Variants in GLI3 observed in about 807,000 individuals in gnomAD.
GLI3 encodes transcription activator GLI3.
GLI3 carries 20 observed loss-of-function variants against 100.8 expected under a neutral mutation model. The ratio of observed to expected loss-of-function variants is 0.20; its 90% CI spans 0.14 to 0.29. The LOEUF is 0.29. Among genes scored for constraint, GLI3 ranks in the 10% least tolerant of loss-of-function variants. The pLI is 1.00. For missense variants in GLI3, 2,040 were observed against 2,128.5 expected, an observed-to-expected ratio of 0.96 and a Z score of 0.82; for synonymous variants, 938 against 860.5, an observed-to-expected ratio of 1.09 and a Z score of -1.58.
chr7:41,981,457 C>G (rs920823235), intron 10 of GLI3, among the ~76,000 whole-genome samples: 6 of 152,202 alleles, frequency 3.9e-5, no homozygotes, highest in Non-Finnish European at 8.8e-5. Flanking sequence ...TGGTGCTACT[C>G]AAGGGAGCAG....
chr7:42,202,639 C>T (rs1037041548), intron 2 of GLI3, among the ~76,000 whole-genome samples: 1 of 152,214 alleles, frequency 6.6e-6, no homozygotes, highest in African/African-American at 2.4e-5. Context: ...AGTGCCCTCA[C>T]AAGCATGCAC....
rs1409114534 is a variant in GLI3, at chr7:41,962,211, T to C, written c.*2119A>G. 2 of 152,188 alleles carry C rather than the reference T, an allele frequency of 1.3e-5. No individual in the cohort carries two copies. Among genetic ancestry groups the C allele is most frequent in the African/African-American group, 4.8e-5 (2 of 41,442 alleles). 9.4% of individuals were successfully genotyped at this position (152,188 alleles called of 1,614,324 possible). A position where few individuals can be genotyped will look rare whatever the true frequency, so the allele number is the denominator to read the frequency against. On this transcript the variant is annotated 3_prime_UTR_variant, in exon 15 of 15. Coordinates refer to ENST00000395925, the MANE Select transcript of GLI3 (RefSeq NM_000168.6). ...GCATGGTCCCTTCCACCCAAGCTCC[T>C]TTCTTAGGAGGAGTGGAGAACACTC...
At position 41,961,565 on chromosome 7, in the gene GLI3, T is replaced by G. The variant is rs1211186398; in HGVS notation, c.*2765A>C. 6.6e-6 allele frequency: 1 copy of G among 152,406 alleles called. No homozygotes were observed. The highest frequency in any genetic ancestry group is 2.4e-5 in the African/African-American group (1 of 41,438). 9.4% of individuals were successfully genotyped at this position (152,406 alleles called of 1,614,324 possible). A position where few individuals can be genotyped will look rare whatever the true frequency, so the allele number is the denominator to read the frequency against. ...TTCAGAAAAATAAAACAAAAATGGT[T>G]AGAAAACGTTTAACACAGACATTAA... On this transcript the variant is annotated 3_prime_UTR_variant, in exon 15 of 15. Transcript: ENST00000395925.
chr7:42,219,340 A>G (rs1362509647), intron 2 of GLI3, among the ~76,000 whole-genome samples: 1 of 152,228 alleles, frequency 6.6e-6, no homozygotes, highest in Non-Finnish European at 1.5e-5. Context: ...CTACGGGTAC[A>G]CTGTACTTCC....
intron 3 of GLI3, among the ~76,000 whole-genome samples, chr7:42,087,952 A>G (rs1015610504): frequency 1.3e-5 from 2 of 152,204 alleles, no homozygotes; most frequent in African/African-American, 4.8e-5. Context: ...TTCTTTCACC[A>G]TGACTGTAAA....
chr7:42,249,678 C>T (rs947365179), intron 1 of GLI3, among the ~76,000 whole-genome samples: 1 of 152,124 alleles, frequency 6.6e-6, no homozygotes, highest in Admixed American at 6.5e-5. Context: ...CCAGTATAGA[C>T]CCTGAGACTA....
rs2128707123 is a variant in GLI3, at chr7:41,967,768, G to A, written c.2259C>T (p.Thr753=). The change falls in exon 14 of 15, where the codon ACC becomes ACT. Residue 753 remains threonine (T), a synonymous_variant. Transcript: ENST00000395925. ...CAAGGGCTGTGGTTGCAGTGGAAAT[G>A]GTTGAGTCCATGATTGGGGTTTCAT... ...AIDETPIMDS[T]ISTATTALAL... 1.2e-6 allele frequency: 2 copies of A among 1,614,200 alleles called. No individual in the cohort carries two copies. The highest frequency in any genetic ancestry group is 3.3e-5 in the Admixed American group (2 of 60,024).
intron 3 of GLI3, among the ~76,000 whole-genome samples, chr7:42,134,079 TC>T (rs1786363304): frequency 1.2e-5 from 1 of 85,916 alleles, no homozygotes; most frequent in African/African-American, 3.2e-5. Context: ...AGACTCTGTC[TC>T]AAAAAAAAAA....
intron 2 of GLI3, among the ~76,000 whole-genome samples, chr7:42,215,128 T>C (rs1160840903): frequency 6.6e-6 from 1 of 152,100 alleles, no homozygotes; most frequent in East Asian, 1.9e-4. Flanking sequence ...TCACACCATA[T>C]GCGTTACTGA....
intron 3 of GLI3, among the ~76,000 whole-genome samples, chr7:42,086,558 GAC>G (rs1785105384): frequency 6.6e-6 from 1 of 151,966 alleles, no homozygotes; most frequent in South Asian, 2.1e-4. Flanking sequence ...CTCTGTCCAG[GAC>G]ACCTCCCCAT....
intron 2 of GLI3, among the ~76,000 whole-genome samples, chr7:42,185,609 T>C (rs574987477): frequency 6.6e-6 from 1 of 152,342 alleles, no homozygotes; most frequent in East Asian, 1.9e-4. Context: ...TCGTGACATT[T>C]TGGAGCTGCC....
intron 2 of GLI3, among the ~76,000 whole-genome samples, chr7:42,150,713 T>A (rs1786837352): frequency 6.6e-6 from 1 of 152,230 alleles, no homozygotes; most frequent in Non-Finnish European, 1.5e-5. Flanking sequence ...TTCCTTGACT[T>A]AATTGTCCTA....
chr7:42,078,351 A>T (rs1470631277), intron 3 of GLI3, among the ~76,000 whole-genome samples: 13 of 152,130 alleles, frequency 8.5e-5, no homozygotes, highest in Admixed American at 8.5e-4. Context: ...CCTTGTTTTG[A>T]TTTTGTCCCT....
At chr7:42,145,382 T>C (rs1786677187) in intron 3 of GLI3, 1 of 395,826 alleles carries the variant, frequency 2.5e-6, no homozygotes, top group Admixed American at 4.4e-5. Flanking sequence ...TGCTAAGAAT[T>C]TAAAATGTTA....
chr7:42,167,309 T>C (rs1242890534), intron 2 of GLI3, among the ~76,000 whole-genome samples: 1 of 152,194 alleles, frequency 6.6e-6, no homozygotes, highest in East Asian at 1.9e-4. Flanking sequence ...CAAACTACCA[T>C]ACTACAGAAT....
rs201470312 is a variant in GLI3, at chr7:41,964,828, G to A, written c.4245C>T (p.Thr1415=). ...QSGQLSDTSQ[T]CRVNGIKMEM... The stretch of plus-strand genomic sequence containing the variant: ...CCATCTTGATACCATTCACCCTGCA[G>A]GTCTGACTTGTGTCACTGAGCTGTC... Residue 1415 remains threonine (T), a synonymous_variant, in exon 15 of 15, where the codon ACC becomes ACT. Coordinates refer to ENST00000395925, the MANE Select transcript of GLI3 (RefSeq NM_000168.6). 1.9e-6 allele frequency: 3 copies of A among 1,613,896 alleles called. No individual in the cohort carries two copies. Among genetic ancestry groups the A allele is most frequent in the African/African-American group, 2.7e-5 (2 of 74,934 alleles).
chr7:42,179,163 G>C (rs371429775), intron 2 of GLI3, among the ~76,000 whole-genome samples: 1 of 152,222 alleles, frequency 6.6e-6, no homozygotes, highest in Middle Eastern at 3.4e-3. Flanking sequence ...TGATTTTTAA[G>C]AGGGGAGTTT....
At position 41,964,165 on chromosome 7, in the gene GLI3, T is replaced by C. The variant is rs886062333; in HGVS notation, c.*165A>G. 13 of 623,480 alleles carry C rather than the reference T, an allele frequency of 2.1e-5. No individual in the cohort carries two copies. In the Admixed American group the frequency reaches 3.1e-4, roughly 15 times the overall value. 38.6% of individuals were successfully genotyped at this position (623,480 alleles called of 1,614,324 possible). ...TCTCCCTAGAATACTTTAGGGTTTT[T>C]CAGAGTCCTTTTCCATAAAAGGAAT... On this transcript the variant is annotated 3_prime_UTR_variant, in exon 15 of 15. Transcript: ENST00000395925.
chr7:42,001,826 A>C (rs1001211650), intron 10 of GLI3, among the ~76,000 whole-genome samples: 3 of 152,228 alleles, frequency 2.0e-5, no homozygotes, highest in African/African-American at 7.2e-5. Flanking sequence ...TTAATTGATA[A>C]AAGCAGAAAG....
Sources: allele counts gnomAD v4.1 joint callset (sites outside exome capture counted in the v4.1 genomes callset), GRCh38; gene constraint gnomAD v4.1.1; transcripts MANE v1.5; gene names NCBI Gene and HGNC (gene_info 2026-07-23, HGNC 2026-07-21).